GARIN2: variants seen among roughly 807,000 people sequenced by gnomAD.
The protein encoded by GARIN2 is golgi associated RAB2 interactor family member 2.
the GARIN2 span, among the ~76,000 whole-genome samples, chr14:67,219,231 A>G: frequency 6.6e-6 from 1 of 152,150 alleles, no homozygotes; most frequent in Admixed American, 6.5e-5. Flanking sequence ...TAAGGACTGT[A>G]GGTGTTTTTG....
the GARIN2 span, among the ~76,000 whole-genome samples, chr14:67,193,574 T>G: frequency 1.4e-5 from 2 of 144,312 alleles, no homozygotes; most frequent in Non-Finnish European, 3.0e-5. Flanking sequence ...TCTATATAGA[T>G]CTATATATAG....
the GARIN2 span, among the ~76,000 whole-genome samples, chr14:67,212,013 GT>G: frequency 3.9e-5 from 6 of 152,086 alleles, no homozygotes; most frequent in Non-Finnish European, 7.3e-5. Context: ...ACCTTTTCAT[GT>G]TTCTTATAAT....
chr14:67,193,087 T>TATATCTCTATATATCTCTATATAG, the GARIN2 span, among the ~76,000 whole-genome samples: 1 of 144,438 alleles, frequency 6.9e-6, no homozygotes, highest in Non-Finnish European at 1.5e-5. Context: ...TATATCTATC[T>TATATCTCTATATATCTCTATATAG]ATATCTCTAT....
At chr14:67,199,799 G>A in the GARIN2 span, 1 of 1,520,144 alleles carries the variant, frequency 6.6e-7, no homozygotes, top group South Asian at 1.3e-5. Flanking sequence ...CCCACCCCCA[G>A]TGCTGCCTCC....
chr14:67,193,413 ATATC>A, the GARIN2 span, among the ~76,000 whole-genome samples: 375 of 141,446 alleles, frequency 2.7e-3, no homozygotes, highest in African/African-American at 9.0e-3. Context: ...ATATATCTAT[ATATC>A]TATATTTATA....
chr14:67,205,351 C>T, the GARIN2 span, among the ~76,000 whole-genome samples: 16 of 152,154 alleles, frequency 1.1e-4, no homozygotes, highest in African/African-American at 3.9e-4. Flanking sequence ...GAATCAGAAT[C>T]AGAACCAAGT....
At chr14:67,191,803 G>C in the GARIN2 span, among the ~76,000 whole-genome samples, 1 of 152,292 alleles carries the variant, frequency 6.6e-6, no homozygotes, top group East Asian at 1.9e-4. Context: ...AAGAACTAGC[G>C]TTGGTTTCCG....
the GARIN2 span, among the ~76,000 whole-genome samples, chr14:67,223,326 A>G: frequency 1.3e-5 from 2 of 152,224 alleles, no homozygotes; most frequent in Non-Finnish European, 2.9e-5. Flanking sequence ...GTCTAAAAAT[A>G]TGAGATGAAC....
At chr14:67,192,131 A>C in the GARIN2 span, among the ~76,000 whole-genome samples, 1 of 152,254 alleles carries the variant, frequency 6.6e-6, no homozygotes, top group East Asian at 1.9e-4. Context: ...TCCCTGCAAC[A>C]TAGCTCTGCA....
chr14:67,199,994 C>A, the GARIN2 span: 1 of 1,056,692 alleles, frequency 9.5e-7, no homozygotes, highest in Non-Finnish European at 1.4e-6. Context: ...ATGCAGCTGG[C>A]ACACCATGGA....
the GARIN2 span, among the ~76,000 whole-genome samples, chr14:67,210,968 C>T: frequency 1.3e-4 from 20 of 152,160 alleles, 1 homozygote; most frequent in East Asian, 3.7e-3. Flanking sequence ...CCACTGCACT[C>T]CAGCCTGGGT....
chr14:67,191,688 T>G, the GARIN2 span, among the ~76,000 whole-genome samples: 2 of 152,140 alleles, frequency 1.3e-5, no homozygotes, highest in Non-Finnish European at 2.9e-5. Context: ...CTTGAAACAG[T>G]ATACACAGAT....
At chr14:67,216,491 G>T in the GARIN2 span, among the ~76,000 whole-genome samples, 1 of 151,760 alleles carries the variant, frequency 6.6e-6, no homozygotes, top group African/African-American at 2.4e-5. Flanking sequence ...TGCATCATTA[G>T]GTTATTTATT....
At chr14:67,191,152 T>G in the GARIN2 span, among the ~76,000 whole-genome samples, 6 of 152,160 alleles carry the variant, frequency 3.9e-5, no homozygotes, top group African/African-American at 1.2e-4. Context: ...GAGAATCACT[T>G]GAACCCAGGA....
the GARIN2 span, among the ~76,000 whole-genome samples, chr14:67,212,452 A>C: frequency 0.013 from 1,922 of 151,604 alleles, 27 homozygotes; most frequent in Non-Finnish European, 0.018. Flanking sequence ...TTTGCAGAGC[A>C]TGGTGGCATG....
chr14:67,208,182 G>A, the GARIN2 span: 2 of 1,612,176 alleles, frequency 1.2e-6, no homozygotes. Context: ...CTGATTTGCT[G>A]CTGCTTTTTA....
At chr14:67,199,536 T>A in the GARIN2 span, 1 of 1,609,900 alleles carries the variant, frequency 6.2e-7, no homozygotes, top group South Asian at 1.1e-5. Context: ...GTTGCAGCAA[T>A]TGAAGCCATG....
the GARIN2 span, chr14:67,208,350 T>C: frequency 5.6e-6 from 9 of 1,613,784 alleles, no homozygotes; most frequent in Non-Finnish European, 7.6e-6. Context: ...TTGACCCCAG[T>C]AGAAAGTGAG....
chr14:67,217,271 T>C, the GARIN2 span, among the ~76,000 whole-genome samples: 1 of 152,170 alleles, frequency 6.6e-6, no homozygotes, highest in Non-Finnish European at 1.5e-5. Context: ...CTTGTTTCAT[T>C]TCTTCACTTT....
Sources: gnomAD v4.1 joint callset for allele counts (sites outside exome capture counted in the v4.1 genomes callset) on GRCh38, gnomAD v4.1.1 for gene constraint, MANE v1.5 for transcripts, NCBI Gene and HGNC (gene_info 2026-07-23, HGNC 2026-07-21) for gene names.